Variants in MIGA1 observed in about 807,000 individuals in gnomAD.
MIGA1 encodes mitoguardin 1.
A neutral mutation model predicts 82.0 loss-of-function variants in MIGA1; 58 were observed. The ratio of observed to expected loss-of-function variants is 0.71; its 90% confidence interval spans 0.57 to 0.88. The LOEUF is 0.88. Among genes scored for constraint, MIGA1 ranks in the 40% least tolerant of loss-of-function variants. MIGA1 has a pLI of 0.00. For missense variants in MIGA1, 751 were observed against 749.1 expected (o/e 1.00, Z -0.03); for synonymous variants, 249 against 253.6 (o/e 0.98, Z 0.17).
chr1:77,836,727 G>T (rs977239500), intron 7 of MIGA1, among the ~76,000 whole-genome samples: 5 of 152,052 alleles, frequency 3.3e-5, no homozygotes, highest in African/African-American at 1.2e-4. Flanking sequence ...CAGAAACCAC[G>T]CTTTTACCCA....
chr1:77,871,250 C>T (rs563656068), intron 14 of MIGA1, among the ~76,000 whole-genome samples: 5 of 152,002 alleles, frequency 3.3e-5, no homozygotes, highest in Non-Finnish European at 7.4e-5. Flanking sequence ...GCATGTAATC[C>T]TAGCACTTTG....
intron 2 of MIGA1, among the ~76,000 whole-genome samples, chr1:77,784,824 T>C (rs1570912841): frequency 6.6e-6 from 1 of 152,076 alleles, no homozygotes; most frequent in African/African-American, 2.4e-5. Context: ...TGGTGGAAGG[T>C]GAAAATCACA....
intron 2 of MIGA1, among the ~76,000 whole-genome samples, chr1:77,792,051 A>G (rs1682448803): frequency 6.6e-6 from 1 of 152,182 alleles, no homozygotes; most frequent in African/African-American, 2.4e-5. Context: ...CTGCTTGAGG[A>G]CCAAAACATG....
chr1:77,850,178 T>A (rs1316703355), intron 8 of MIGA1, among the ~76,000 whole-genome samples: 1 of 152,206 alleles, frequency 6.6e-6, no homozygotes, highest in Non-Finnish European at 1.5e-5. Context: ...TCTATAGGAC[T>A]ATTTGAGTAT....
chr1:77,870,229 C>G (rs1368641238), intron 14 of MIGA1, among the ~76,000 whole-genome samples: 2 of 128,588 alleles, frequency 1.6e-5, no homozygotes, highest in Non-Finnish European at 3.5e-5. Flanking sequence ...TGACCCCCCC[C>G]CCCACCTCCC....
At chr1:77,782,530 C>A (rs1025872088) in intron 1 of MIGA1, among the ~76,000 whole-genome samples, 1 of 152,122 alleles carries the variant, frequency 6.6e-6, no homozygotes, top group African/African-American at 2.4e-5. Flanking sequence ...CAACTGGGTA[C>A]AGTGGTAAAA....
chr1:77,808,993 C>CT (rs1683210497), intron 5 of MIGA1, among the ~76,000 whole-genome samples: 1 of 152,100 alleles, frequency 6.6e-6, no homozygotes, highest in Non-Finnish European at 1.5e-5. Flanking sequence ...TACCTGTAGT[C>CT]TTACCTACTT....
rs115493377 is a variant in MIGA1 at position 77,864,051 on chromosome 1, C to G, written c.1509+23C>G. The G allele has an allele frequency of 6.2e-4, 987 of 1,601,282 alleles. 4 individuals are homozygous for G. The Middle Eastern group carries it at 0.011, about 17-fold the overall frequency. ...ACAGTAAGTGGTGGTTAACCTTTCTCAGCCTTTTAAGTTTGATTAAAAAGT... is the reference window on the plus strand; with the variant it reads ...ACAGTAAGTGGTGGTTAACCTTTCTGAGCCTTTTAAGTTTGATTAAAAAGT... On this transcript the variant is annotated intron_variant, in intron 13 of 15. Coordinates refer to ENST00000370791, the MANE Select transcript of MIGA1 (RefSeq NM_198549.4).
intron 7 of MIGA1, among the ~76,000 whole-genome samples, chr1:77,824,473 C>T: frequency 6.6e-6 from 1 of 152,068 alleles, no homozygotes; most frequent in East Asian, 1.9e-4. Context: ...CAGGAGAATC[C>T]CTTGAGCCTA....
At chr1:77,811,630 T>C (rs1197347977) in intron 5 of MIGA1, 9 of 1,612,084 alleles carry the variant, frequency 5.6e-6, no homozygotes, top group South Asian at 1.1e-5. Context: ...TTCAGAATTA[T>C]TGTGTTGAGC....
At chr1:77,824,553 C>A (rs1012180581) in intron 7 of MIGA1, among the ~76,000 whole-genome samples, 4 of 152,054 alleles carry the variant, frequency 2.6e-5, no homozygotes, top group Non-Finnish European at 5.9e-5. Context: ...GAGACTCAGT[C>A]TCTAAAAATA....
intron 5 of MIGA1, chr1:77,811,642 T>G: frequency 7.4e-6 from 12 of 1,612,138 alleles, no homozygotes; most frequent in Non-Finnish European, 1.0e-5. Context: ...GTGTTGAGCT[T>G]GGGCCTCCTT....
intron 7 of MIGA1, among the ~76,000 whole-genome samples, chr1:77,820,307 T>C (rs1277525323): frequency 6.6e-6 from 1 of 152,124 alleles, no homozygotes; most frequent in Non-Finnish European, 1.5e-5. Context: ...GAACTTAGTG[T>C]AGTGCTAATG....
chr1:77,788,667 A>G (rs537091206), intron 2 of MIGA1, among the ~76,000 whole-genome samples: 5 of 152,192 alleles, frequency 3.3e-5, no homozygotes, highest in African/African-American at 9.7e-5. Context: ...GTAAGGGTCC[A>G]GTTTTCCCTA....
rs772236383 is a variant in MIGA1 at position 77,803,305 on chromosome 1, T to A, written c.409T>A (p.Leu137Ile). ...TTCCAGTAGCAGACAGAATTTGACATTATCTTTAAGTTCTACCAAAGACAA... is the reference window on the plus strand; with the variant it reads ...TTCCAGTAGCAGACAGAATTTGACAATATCTTTAAGTTCTACCAAAGACAA... The change falls in exon 4 of 16, where the codon TTA (leucine) becomes ATA (isoleucine). Residue 137 changes from leucine to isoleucine, a missense_variant. By Grantham distance (5) the Leu-to-Ile change is conservative. This residue lies in a region of MIGA1 where 482 missense variants were observed against 439.4 expected (regional missense o/e 1.10). Coordinates refer to ENST00000370791, the MANE Select transcript of MIGA1 (RefSeq NM_198549.4). 3.2e-6 allele frequency: 5 copies of A among 1,545,132 alleles called. No homozygotes were observed. The highest frequency in any genetic ancestry group is 4.4e-6 in the Non-Finnish European group (5 of 1,145,744).
chr1:77,787,248 C>T (rs546911782), intron 2 of MIGA1, among the ~76,000 whole-genome samples: 1 of 152,320 alleles, frequency 6.6e-6, no homozygotes, highest in South Asian at 2.1e-4. Flanking sequence ...TGGGTGGGGA[C>T]ACAGCCAAAC....
In MIGA1 at chr1:77,876,063, G is replaced by A. The variant is rs1275780645; in HGVS notation, c.*999G>A. The A allele has an allele frequency of 3.3e-5, 5 of 152,200 alleles. No individual in the cohort carries two copies. Among genetic ancestry groups the A allele is most frequent in the African/African-American group, 1.2e-4 (5 of 41,426 alleles). The allele number at this position is 152,200 out of a possible 1,614,324, so 9.4% of individuals were successfully genotyped here. A position where few individuals can be genotyped will look rare whatever the true frequency, so the allele number is the denominator to read the frequency against. On this transcript the variant is annotated 3_prime_UTR_variant, in exon 16 of 16. Transcript: ENST00000370791. ...CAGGAGTATTGCTTGAACCCAGGAA[G>A]TGGAGGCTGCAGTGAGCCGAGATCG...
intron 4 of MIGA1, among the ~76,000 whole-genome samples, chr1:77,806,258 T>C (rs1439710603): frequency 6.6e-6 from 1 of 152,192 alleles, no homozygotes; most frequent in Non-Finnish European, 1.5e-5. Flanking sequence ...TATCTAAACA[T>C]ATCTGAACAT....
chr1:77,799,230 A>G (rs1057036924), intron 2 of MIGA1, among the ~76,000 whole-genome samples: 1 of 152,188 alleles, frequency 6.6e-6, no homozygotes, highest in Non-Finnish European at 1.5e-5. Flanking sequence ...TTTGACTTCA[A>G]GATGATGCAC....
Sources: gnomAD v4.1 joint callset for allele counts (sites outside exome capture counted in the v4.1 genomes callset) on GRCh38, gnomAD v4.1.1 for gene constraint, gnomAD v4.1.1 regional missense constraint, MANE v1.5 for transcripts, NCBI Gene and HGNC (gene_info 2026-07-23, HGNC 2026-07-21) for gene names.